WIPF3: variants seen among roughly 807,000 people sequenced by gnomAD.
WIPF3 encodes the protein WAS/WASL interacting protein family member 3.
WIPF3 carries 33 observed loss-of-function variants against 38.9 expected under a neutral mutation model. That is an observed-to-expected ratio of 0.85 (90% confidence interval 0.64 to 1.14). WIPF3 has a LOEUF of 1.14. WIPF3 is among the 50% of genes most tolerant of loss of function. WIPF3 has a pLI of 0.00. For synonymous variants in WIPF3, 324 were observed against 269.3 expected, an observed-to-expected ratio of 1.20 and a Z score of -1.99; for missense variants, 711 against 652.5, an observed-to-expected ratio of 1.09 and a Z score of -0.98.
chr7:29,822,122 A>ATTTTTTTTTTTT (rs1784545814), intron 1 of WIPF3, among the ~76,000 whole-genome samples: 2 of 39,318 alleles, frequency 5.1e-5, no homozygotes, highest in Non-Finnish European at 1.1e-4. Flanking sequence ...CTTTTTTCTT[A>ATTTTTTTTTTTT]GTTTTTTTTT....
At chr7:29,818,875 A>G (rs1784496393) in intron 1 of WIPF3, among the ~76,000 whole-genome samples, 2 of 152,174 alleles carry the variant, frequency 1.3e-5, no homozygotes, top group African/African-American at 4.8e-5. Flanking sequence ...AGATGATTGT[A>G]TGATTTTCCT....
intron 2 of WIPF3, among the ~76,000 whole-genome samples, chr7:29,853,758 T>G (rs1414047503): frequency 6.6e-6 from 1 of 152,220 alleles, no homozygotes; most frequent in African/African-American, 2.4e-5. Flanking sequence ...ATACTACCTA[T>G]CTCATTATGG....
At chr7:29,893,527 C>T (rs1241169106) in intron 7 of WIPF3, among the ~76,000 whole-genome samples, 2 of 152,146 alleles carry the variant, frequency 1.3e-5, no homozygotes, top group African/African-American at 4.8e-5. Flanking sequence ...AACTCAGTCC[C>T]TCCCAGACAG....
rs80069690 is a variant in WIPF3, at chr7:29,858,529, C to T, written c.91-17301C>T. On this transcript the variant is annotated intron_variant, in intron 2 of 8. Coordinates refer to ENST00000242140, the MANE Select transcript of WIPF3 (RefSeq NM_001080529.3). ...AGAAGTGAACTAAAAATACACCCCC[C>T]TTATTCTGTTACAATGTACTTCCTC... Among the ~76,000 whole-genome samples the T allele has an allele frequency of 9.4e-3, 1,426 of 152,278 alleles. 31 individuals are homozygous for T. The highest frequency in any genetic ancestry group is 0.033 in the African/African-American group (1,359 of 41,540).
intron 2 of WIPF3, among the ~76,000 whole-genome samples, chr7:29,837,911 TTTAG>T (rs938730307): frequency 1.1e-4 from 17 of 152,194 alleles, no homozygotes; most frequent in African/African-American, 3.6e-4. Flanking sequence ...TATTTATTTA[TTTAG>T]TTAGTTAGTT....
At chr7:29,880,829 A>T (rs2128074674) in intron 4 of WIPF3, among the ~76,000 whole-genome samples, 1 of 152,296 alleles carries the variant, frequency 6.6e-6, no homozygotes, top group African/African-American at 2.4e-5. Context: ...ACTGGGTACC[A>T]TGTCAGGGCA....
intron 2 of WIPF3, among the ~76,000 whole-genome samples, chr7:29,846,663 A>G (rs1032681674): frequency 9.8e-5 from 15 of 152,292 alleles, no homozygotes; most frequent in East Asian, 7.7e-4. Flanking sequence ...ATCACACCAC[A>G]TTGTACTCCA....
At position 29,899,823 on chromosome 7, in the gene WIPF3, G is replaced by A. The variant is rs377434526; in HGVS notation, c.1352-4463G>A. On this transcript the variant is annotated intron_variant, in intron 7 of 8. Transcript: ENST00000242140. ...GTATATAAAATAAAATCTACATTTT[G>A]TAAAAAATAAATTCGTGTATCTGCA... 5.9e-5 allele frequency among the ~76,000 whole-genome samples: 9 copies of A among 152,282 alleles called. No homozygotes were observed. In the East Asian group the frequency reaches 1.5e-3, roughly 26 times the overall value.
At chr7:29,816,066 T>C (rs768170184) in intron 1 of WIPF3, among the ~76,000 whole-genome samples, 9 of 152,364 alleles carry the variant, frequency 5.9e-5, no homozygotes, top group Admixed American at 2.0e-4. Context: ...AGAGATCTCC[T>C]AATTCGGATA....
intron 8 of WIPF3, among the ~76,000 whole-genome samples, chr7:29,910,441 C>G (rs368529532): frequency 2.0e-5 from 3 of 152,198 alleles, no homozygotes; most frequent in African/African-American, 7.2e-5. Context: ...CAGCATTATC[C>G]TGATACCAAA....
chr7:29,907,050 C>T lies in WIPF3; in HGVS notation c.1428+2688C>T, dbSNP rs553451468. ...AGTCCTAAAGGGTCAAATGAAAGGA[C>T]ACGAAACAGTAACTTGAAGCTGTAG... On this transcript the variant is annotated intron_variant, in intron 8 of 8. Transcript: ENST00000242140. 5.3e-5 allele frequency among the ~76,000 whole-genome samples: 8 copies of T among 152,274 alleles called. No homozygotes were observed. In the South Asian group the frequency reaches 1.7e-3, roughly 32 times the overall value.
intron 2 of WIPF3, among the ~76,000 whole-genome samples, chr7:29,861,999 T>C (rs1785288557): frequency 6.6e-6 from 1 of 152,118 alleles, no homozygotes; most frequent in Non-Finnish European, 1.5e-5. Flanking sequence ...ACTGATGGCA[T>C]TTGGGGAAGA....
At chr7:29,819,657 T>C (rs1035359483) in intron 1 of WIPF3, among the ~76,000 whole-genome samples, 5 of 152,086 alleles carry the variant, frequency 3.3e-5, no homozygotes, top group Non-Finnish European at 7.4e-5. Context: ...ACAGCTATGA[T>C]TTTTGCTCTG....
chr7:29,914,586 T>C lies in WIPF3; in HGVS notation c.*70T>C, dbSNP rs1786570207. The C allele has an allele frequency of 8.4e-7, 1 of 1,195,684 alleles. No homozygotes were observed. Among genetic ancestry groups the C allele is most frequent in the Non-Finnish European group, 1.1e-6 (1 of 892,636 alleles). The allele number at this position is 1,195,684 out of a possible 1,614,324, so 74.1% of individuals were successfully genotyped here. On this transcript the variant is annotated 3_prime_UTR_variant, in exon 9 of 9. Transcript: ENST00000242140. ...AACATGTCAGACCCCACCCACCCCA[T>C]GCTCAAGCTGTAATTCAGTTGGCAT...
chr7:29,884,667 T>A, intron 5 of WIPF3, 74 bp downstream of exon 5: 1 of 1,485,496 alleles, frequency 6.7e-7, no homozygotes, highest in Non-Finnish European at 8.9e-7. Context: ...GACTTTATTG[T>A]TGGAGGTATT....
chr7:29,877,098 A>G (rs1222691562), intron 3 of WIPF3, among the ~76,000 whole-genome samples: 1 of 152,238 alleles, frequency 6.6e-6, no homozygotes, highest in Non-Finnish European at 1.5e-5. Flanking sequence ...CCCTGAAGAA[A>G]ATGTGCCTCC....
chr7:29,806,878 C>T (rs1784288677), intron 1 of WIPF3, among the ~76,000 whole-genome samples, 200 bp downstream of exon 1: 1 of 151,330 alleles, frequency 6.6e-6, no homozygotes, highest in African/African-American at 2.4e-5. Context: ...GCGGCGCTCA[C>T]GCCCCCCACC....
Position 29,834,723 on chromosome 7 carries a change from A to G in WIPF3, c.-2A>G. 1.3e-5 allele frequency: 19 copies of G among 1,509,610 alleles called. No individual in the cohort carries two copies. The highest frequency in any genetic ancestry group is 1.7e-5 in the Non-Finnish European group (19 of 1,127,276). The allele number at this position is 1,509,610 out of a possible 1,614,324, so 93.5% of individuals were successfully genotyped here. A position where few individuals can be genotyped will look rare whatever the true frequency, so the allele number is the denominator to read the frequency against. ...AAGCAGGAGACATCAACACCGTGAC[A>G]CATGCCAGTGCCACCGCCACCCCCA... On this transcript the variant is annotated 5_prime_UTR_variant, in exon 2 of 9. Coordinates refer to ENST00000242140, the MANE Select transcript of WIPF3 (RefSeq NM_001080529.3).
At chr7:29,902,268 C>CTTTTTTTTTTTTT (rs1267369053) in intron 7 of WIPF3, among the ~76,000 whole-genome samples, 6 of 117,352 alleles carry the variant, frequency 5.1e-5, no homozygotes, top group Non-Finnish European at 6.8e-5. Context: ...TCTTCTTCTT[C>CTTTTTTTTTTTTT]TTCTTCTTTT....
Sources: allele counts gnomAD v4.1 joint callset (sites outside exome capture counted in the v4.1 genomes callset), GRCh38; gene constraint gnomAD v4.1.1; transcripts MANE v1.5; gene names NCBI Gene and HGNC (gene_info 2026-07-23, HGNC 2026-07-21).